The following LRP1B variants were observed in gnomAD, a reference collection of about 807,000 sequenced individuals.
LRP1B encodes the protein low-density lipoprotein receptor-related protein 1B.
Under a neutral mutation model 556.6 loss-of-function variants are expected in LRP1B, and 217 were observed. The observed-to-expected ratio is 0.39, with a 90% CI of 0.35 to 0.44. The LOEUF is 0.44. Ranked by LOEUF, LRP1B falls within the 20% of genes least tolerant of loss-of-function variation. The probability of loss-of-function intolerance (pLI) is 1.00; values close to 1 mark genes in which losing one functional copy is unlikely to be tolerated. For synonymous variants in LRP1B, 2,047 were observed against 1,865.8 expected (o/e 1.10, Z -2.50); for missense variants, 5,053 against 5,620.8 (o/e 0.90, Z 3.23).
intron 3 of LRP1B, among the ~76,000 whole-genome samples, chr2:141,464,513 C>G (rs1184923901): frequency 1.3e-5 from 2 of 148,870 alleles, no homozygotes; most frequent in Admixed American, 6.7e-5. Flanking sequence ...CCCGGGTTCA[C>G]GCCATTCTCC....
chr2:140,268,120 G>T (rs1682293245), intron 86 of LRP1B, among the ~76,000 whole-genome samples: 1 of 151,924 alleles, frequency 6.6e-6, no homozygotes, highest in Non-Finnish European at 1.5e-5. Flanking sequence ...TGAAGACTGG[G>T]ATTCAGGAGA....
At chr2:141,254,483 C>A in intron 4 of LRP1B, 39 bp downstream of exon 4, 1 of 1,606,604 alleles carries the variant, frequency 6.2e-7, no homozygotes, top group South Asian at 1.1e-5. Flanking sequence ...AACTAAGCCT[C>A]TATAAACAAA....
At chr2:141,464,607 T>TATA (rs1295526699) in intron 3 of LRP1B, among the ~76,000 whole-genome samples, 1 of 59,878 alleles carries the variant, frequency 1.7e-5, no homozygotes, top group African/African-American at 5.9e-5. Flanking sequence ...TATATATATA[T>TATA]TTTTTTAGTA....
intron 84 of LRP1B, among the ~76,000 whole-genome samples, chr2:140,281,873 T>C (rs1163666091): frequency 6.6e-6 from 1 of 151,760 alleles, no homozygotes; most frequent in Non-Finnish European, 1.5e-5. Context: ...GCTGATATTA[T>C]CCCTGCAGAG....
chr2:141,147,112 G>C (rs1323644600), intron 7 of LRP1B, among the ~76,000 whole-genome samples: 6 of 152,100 alleles, frequency 3.9e-5, no homozygotes, highest in South Asian at 2.1e-4. Flanking sequence ...ATATTTTCTG[G>C]AACATGCTGC....
chr2:140,560,156 C>T (rs971253154), intron 43 of LRP1B, among the ~76,000 whole-genome samples: 14 of 151,982 alleles, frequency 9.2e-5, no homozygotes, highest in South Asian at 6.2e-4. Flanking sequence ...ATCAAATAAA[C>T]CCAAATTGAG....
chr2:142,004,137 G>A (rs751859811), intron 1 of LRP1B, among the ~76,000 whole-genome samples: 3 of 152,178 alleles, frequency 2.0e-5, no homozygotes, highest in Non-Finnish European at 2.9e-5. Context: ...AGACAAGAAG[G>A]TTAGGAAGAA....
chr2:141,766,469 T>G (rs1694736379), intron 2 of LRP1B, among the ~76,000 whole-genome samples: 1 of 152,180 alleles, frequency 6.6e-6, no homozygotes, highest in Admixed American at 6.5e-5. Context: ...TTTGAAGTGG[T>G]TAGCTTAGAA....
intron 2 of LRP1B, among the ~76,000 whole-genome samples, chr2:141,711,028 T>C (rs1692337342): frequency 6.6e-6 from 1 of 152,232 alleles, no homozygotes; most frequent in Non-Finnish European, 1.5e-5. Context: ...TTAATTCCAT[T>C]GCTTCTGCCA....
At chr2:141,689,546 TG>T (rs2105443037) in intron 2 of LRP1B, among the ~76,000 whole-genome samples, 1 of 115,134 alleles carries the variant, frequency 8.7e-6, no homozygotes, top group Non-Finnish European at 2.1e-5. Flanking sequence ...ATTGCTTTAT[TG>T]TATATTGTAT....
At chr2:140,567,910 C>T (rs899925423) in intron 43 of LRP1B, among the ~76,000 whole-genome samples, 3 of 152,166 alleles carry the variant, frequency 2.0e-5, no homozygotes, top group African/African-American at 7.2e-5. Flanking sequence ...TGTATCACTG[C>T]TTTTACTCAG....
intron 1 of LRP1B, among the ~76,000 whole-genome samples, chr2:142,051,509 G>T (rs1236170077): frequency 2.0e-5 from 3 of 151,004 alleles, no homozygotes; most frequent in East Asian, 2.0e-4. Flanking sequence ...ATGGAGTCTC[G>T]CTCTGTCACC....
chr2:141,519,408 G>A (rs1684455946), intron 2 of LRP1B, among the ~76,000 whole-genome samples: 2 of 71,282 alleles, frequency 2.8e-5, no homozygotes, highest in Non-Finnish European at 5.5e-5. Flanking sequence ...TATATGAAAT[G>A]CAATATTTAT....
At chr2:141,033,333 C>T (rs1698434111) in intron 11 of LRP1B, among the ~76,000 whole-genome samples, 2 of 151,886 alleles carry the variant, frequency 1.3e-5, no homozygotes, top group African/African-American at 4.8e-5. Flanking sequence ...GCGCTAAGAA[C>T]TTATTTTGAG....
chr2:140,298,286 A>T (rs13411472), intron 83 of LRP1B, among the ~76,000 whole-genome samples: 1 of 146,644 alleles, frequency 6.8e-6, no homozygotes, highest in Non-Finnish European at 1.5e-5. Flanking sequence ...TCTCATATCA[A>T]TTTGGCCCTT....
intron 3 of LRP1B, among the ~76,000 whole-genome samples, chr2:141,338,776 T>A (rs922296135): frequency 6.6e-6 from 1 of 152,308 alleles, no homozygotes; most frequent in Non-Finnish European, 1.5e-5. Flanking sequence ...ACTACAGTGA[T>A]CTATATAAAA....
intron 2 of LRP1B, among the ~76,000 whole-genome samples, chr2:141,492,698 G>A (rs74923985): frequency 1.6e-3 from 248 of 152,250 alleles, no homozygotes; most frequent in African/African-American, 5.6e-3. Flanking sequence ...ATCATAGTGC[G>A]AGACACGGTG....
chr2:140,666,365 G>T (rs1009102290), intron 41 of LRP1B, among the ~76,000 whole-genome samples: 3 of 151,858 alleles, frequency 2.0e-5, no homozygotes, highest in Admixed American at 1.3e-4. Flanking sequence ...AATGTTGGGG[G>T]AGGGCATTAG....
At chr2:141,491,583 G>A (rs978387433) in intron 2 of LRP1B, among the ~76,000 whole-genome samples, 4 of 152,094 alleles carry the variant, frequency 2.6e-5, no homozygotes, top group Non-Finnish European at 5.9e-5. Context: ...TCCCTGGGAG[G>A]AGGCATGTTA....
Sources: gnomAD v4.1 joint callset for allele counts (sites outside exome capture counted in the v4.1 genomes callset) on GRCh38, gnomAD v4.1.1 for gene constraint, MANE v1.5 for transcripts, NCBI Gene and HGNC (gene_info 2026-07-23, HGNC 2026-07-21) for gene names.